The following CTNNA2 variants were observed in gnomAD, a reference collection of about 807,000 sequenced individuals.
The protein encoded by CTNNA2 is catenin alpha-2.
Under a neutral mutation model 101.0 loss-of-function variants are expected in CTNNA2, and 42 were observed. The observed-to-expected ratio is 0.42, with a 90% CI of 0.32 to 0.54. The LOEUF is 0.54. CTNNA2 is among the 20% of genes least tolerant of loss of function. The probability of loss-of-function intolerance (pLI) is 0.14; values close to 1 mark genes in which losing one functional copy is unlikely to be tolerated. For synonymous variants in CTNNA2, 450 were observed against 456.4 expected (o/e 0.99, Z 0.18); for missense variants, 871 against 1,223.1 (o/e 0.71, Z 4.29).
rs531917030 is a variant in CTNNA2, at chr2:79,286,750, G to A, written c.-405-25959G>A. On this transcript the variant is annotated intron_variant, in intron 2 of 21. Coordinates refer to the CTNNA2 transcript ENST00000466387. ...TATGTGTCTTGGAGTTGCTCTTCTC[G>A]AGGAGTATCTTTGTGGCGTTCTCTG... is the stretch of plus-strand genomic sequence containing the variant. Among the ~76,000 whole-genome samples the A allele has an allele frequency of 4.9e-3, 742 of 151,982 alleles. 8 individuals carry two copies. The highest frequency in any genetic ancestry group is 0.017 in the African/African-American group (706 of 41,418).
chr2:79,402,048 T>C (rs1279598475), intron 4 of CTNNA2, among the ~76,000 whole-genome samples: 1 of 151,598 alleles, frequency 6.6e-6, no homozygotes, highest in African/African-American at 2.4e-5. Context: ...TTAAGACAAA[T>C]TGTTACTAGA....
At chr2:80,279,282 A>T (rs540958971) in intron 7 of CTNNA2, among the ~76,000 whole-genome samples, 1 of 152,060 alleles carries the variant, frequency 6.6e-6, no homozygotes, top group South Asian at 2.1e-4. Flanking sequence ...TGGTGATATA[A>T]TAGAGAGAAG....
chr2:79,694,442 T>G (rs969337428), intron 2 of CTNNA2, among the ~76,000 whole-genome samples: 4 of 152,032 alleles, frequency 2.6e-5, no homozygotes, highest in African/African-American at 4.8e-5. Context: ...TTAGAATTTA[T>G]TTTTGATTCA....
chr2:79,982,495 ACACACATGCACG>A (rs1459095742), intron 7 of CTNNA2, among the ~76,000 whole-genome samples: 10 of 150,258 alleles, frequency 6.7e-5, no homozygotes, highest in African/African-American at 2.2e-4. Context: ...ACACACACAC[ACACACATGCACG>A]CACACACACA....
At chr2:80,188,985 A>T (rs557413108) in intron 7 of CTNNA2, among the ~76,000 whole-genome samples, 2 of 111,140 alleles carry the variant, frequency 1.8e-5, no homozygotes, top group African/African-American at 3.7e-5. Flanking sequence ...ACAGAGCCTT[A>T]CTCTGTCACC....
intron 2 of CTNNA2, among the ~76,000 whole-genome samples, chr2:79,216,480 T>C (rs1204901625): frequency 6.7e-6 from 1 of 148,802 alleles, no homozygotes; most frequent in Admixed American, 6.7e-5. Flanking sequence ...GATAAGAGGT[T>C]GGGGCATGGA....
intron 18 of CTNNA2, among the ~76,000 whole-genome samples, chr2:80,646,003 G>T (rs1276869152): frequency 2.6e-5 from 4 of 152,178 alleles, no homozygotes; most frequent in South Asian, 2.1e-4. Context: ...CATTAATTTA[G>T]CTTAAATAAG....
chr2:79,199,009 T>G (rs2104175979), intron 2 of CTNNA2, among the ~76,000 whole-genome samples: 1 of 152,332 alleles, frequency 6.6e-6, no homozygotes, highest in African/African-American at 2.4e-5. Context: ...GCAAACTGAC[T>G]TTCTCAGAAA....
chr2:80,628,086 A>G (rs1273274707), intron 18 of CTNNA2, among the ~76,000 whole-genome samples: 1 of 152,178 alleles, frequency 6.6e-6, no homozygotes, highest in East Asian at 1.9e-4. Context: ...AAGGAGAACT[A>G]CAAACCACTG....
chr2:80,316,006 C>T (rs528882992), intron 7 of CTNNA2, among the ~76,000 whole-genome samples: 15 of 152,230 alleles, frequency 9.9e-5, no homozygotes, highest in South Asian at 6.2e-4. Flanking sequence ...TTCATAAGCC[C>T]GCTAAGGTTT....
At chr2:79,655,518 A>G (rs1016981292) in intron 2 of CTNNA2, among the ~76,000 whole-genome samples, 1 of 152,142 alleles carries the variant, frequency 6.6e-6, no homozygotes, top group Admixed American at 6.5e-5. Context: ...ATCATAGCAC[A>G]TCTAAGATTA....
In CTNNA2 at chr2:80,506,891, T is replaced by C. The variant is rs141833186; in HGVS notation, c.1291-38091T>C. On this transcript the variant is annotated intron_variant, in intron 9 of 18. Coordinates refer to ENST00000402739, the MANE Select transcript of CTNNA2 (RefSeq NM_001282597.3). ...CCAGTGTGACTCTTTAAGAACTGCC[T>C]ATGTGACCTTTGCAAACTTCCTTCT... is the stretch of plus-strand genomic sequence containing the variant. Among the ~76,000 whole-genome samples the C allele has an allele frequency of 2.8e-4, 43 of 152,328 alleles. 1 individual carries two copies. The highest frequency in any genetic ancestry group is 9.4e-4 in the African/African-American group (39 of 41,580).
At chr2:80,266,508 A>T (rs1271217634) in intron 7 of CTNNA2, among the ~76,000 whole-genome samples, 1 of 152,222 alleles carries the variant, frequency 6.6e-6, no homozygotes, top group East Asian at 1.9e-4. Flanking sequence ...GCCACACCTC[A>T]GGTGCGCTGA....
At chr2:79,825,395 C>T (rs1349502180) in intron 3 of CTNNA2, among the ~76,000 whole-genome samples, 4 of 151,652 alleles carry the variant, frequency 2.6e-5, no homozygotes, top group Admixed American at 6.6e-5. Flanking sequence ...GTGAGATAAG[C>T]GATGGTTCAA....
chr2:79,409,878 A>C (rs995792401), intron 4 of CTNNA2, among the ~76,000 whole-genome samples: 11 of 151,840 alleles, frequency 7.2e-5, no homozygotes, highest in African/African-American at 2.7e-4. Flanking sequence ...TTGAATCTAT[A>C]TATTACCTTG....
intron 7 of CTNNA2, among the ~76,000 whole-genome samples, chr2:80,032,062 T>C (rs1443489597): frequency 6.6e-6 from 1 of 152,216 alleles, no homozygotes; most frequent in African/African-American, 2.4e-5. Context: ...AAGAAATTAA[T>C]GTTAAACCCT....
At chr2:79,207,772 T>C (rs930765697) in intron 2 of CTNNA2, among the ~76,000 whole-genome samples, 1 of 152,150 alleles carries the variant, frequency 6.6e-6, no homozygotes, top group African/African-American at 2.4e-5. Context: ...TTTTTCCCAC[T>C]CTGATGGCTC....
In CTNNA2 at chr2:79,733,552, G is replaced by A. The variant is rs778277869; in HGVS notation, c.103-10835G>A. Among the ~76,000 whole-genome samples the A allele has an allele frequency of 4.6e-5, 7 of 151,794 alleles. No homozygotes were observed. The East Asian group carries it at 1.4e-3, about 29-fold the overall frequency. ...TTTAAGACTTAAACCCACTTACCAG[G>A]CACGCATTAAAGTATAAGTTCATCC... On this transcript the variant is annotated intron_variant, in intron 2 of 18. Coordinates refer to ENST00000402739, the MANE Select transcript of CTNNA2 (RefSeq NM_001282597.3).
chr2:79,921,033 GAC>G, intron 7 of CTNNA2, among the ~76,000 whole-genome samples: 2 of 152,210 alleles, frequency 1.3e-5, no homozygotes, highest in East Asian at 3.9e-4. Context: ...CTTCCTAAAA[GAC>G]ACAAAATAAT....
Sources: allele counts gnomAD v4.1 joint callset (sites outside exome capture counted in the v4.1 genomes callset), GRCh38; gene constraint gnomAD v4.1.1; transcripts MANE v1.5; gene names NCBI Gene and HGNC (gene_info 2026-07-23, HGNC 2026-07-21).